Variants in CDKL5 observed in about 807,000 individuals in gnomAD.
CDKL5 encodes cyclin dependent kinase like 5.
Under a neutral mutation model 61.7 loss-of-function variants are expected in CDKL5, and 8 were observed. The ratio of observed to expected loss-of-function variants is 0.13; its 90% confidence interval spans 0.08 to 0.23. CDKL5 has a LOEUF of 0.23. Among genes scored for constraint, CDKL5 ranks in the 10% least tolerant of loss-of-function variants. CDKL5 has a pLI of 1.00. For synonymous variants in CDKL5, 275 were observed against 272.3 expected (o/e 1.01, Z -0.10); for missense variants, 440 against 734.5 (o/e 0.60, Z 4.63).
intron 1 of CDKL5, among the ~76,000 whole-genome samples, chrX:18,434,838 G>C (rs1482575158): frequency 9.0e-6 from 1 of 111,697 alleles, no homozygotes; most frequent in Non-Finnish European, 1.9e-5. Context: ...TGAGTCGGGA[G>C]AGTCCCATGA....
intron 1 of CDKL5, among the ~76,000 whole-genome samples, chrX:18,458,813 C>G (rs1471725463): frequency 8.9e-6 from 1 of 112,760 alleles, no homozygotes; most frequent in Admixed American, 9.4e-5. Context: ...CTAGTGGCTA[C>G]TGTATTAGAC....
chrX:18,549,475 G>A (rs1602254734), intron 3 of CDKL5, among the ~76,000 whole-genome samples: 1 of 112,093 alleles, frequency 8.9e-6, no homozygotes, highest in Admixed American at 9.5e-5. Context: ...CAATATTCTT[G>A]AATCTTTATT....
chrX:18,477,415 G>T (rs1921359974), intron 1 of CDKL5, among the ~76,000 whole-genome samples: 1 of 112,423 alleles, frequency 8.9e-6, no homozygotes, highest in South Asian at 3.6e-4. Context: ...TGATTGGATT[G>T]TTTAATCCTT....
At chrX:18,545,986 A>C (rs181918681) in intron 3 of CDKL5, among the ~76,000 whole-genome samples, 3 of 111,310 alleles carry the variant, frequency 2.7e-5, no homozygotes, top group African/African-American at 9.8e-5. Context: ...TAACACACCT[A>C]CTCTAGTGAG....
intron 1 of CDKL5, among the ~76,000 whole-genome samples, chrX:18,483,986 A>C (rs867110622): frequency 8.9e-6 from 1 of 111,817 alleles, no homozygotes; most frequent in Non-Finnish European, 1.9e-5. Context: ...CCAGGAGGCT[A>C]TCTGATTTTC....
At chrX:18,443,724 C>T (rs1272765990) in intron 1 of CDKL5, 1 of 111,783 alleles carries the variant, frequency 8.9e-6, no homozygotes, top group Non-Finnish European at 1.9e-5. Flanking sequence ...CTCCTCCCAT[C>T]CTCCACCCTC....
intron 1 of CDKL5, among the ~76,000 whole-genome samples, chrX:18,481,508 A>G (rs1297563809): frequency 9.7e-6 from 1 of 103,014 alleles, no homozygotes; most frequent in Non-Finnish European, 2.0e-5. Flanking sequence ...GCGGGCCACC[A>G]CACCTGGCTA....
At chrX:18,581,297 C>T (rs191215989) in intron 6 of CDKL5, among the ~76,000 whole-genome samples, 1 of 112,040 alleles carries the variant, frequency 8.9e-6, no homozygotes, top group African/African-American at 3.2e-5. Flanking sequence ...ACTCCCACCA[C>T]ATCTTCATAA....
intron 3 of CDKL5, among the ~76,000 whole-genome samples, chrX:18,562,302 C>G (rs1924829949): frequency 9.0e-6 from 1 of 111,308 alleles, no homozygotes; most frequent in Admixed American, 9.6e-5. Context: ...AATTATATCA[C>G]TTATAGAATT....
intron 11 of CDKL5, among the ~76,000 whole-genome samples, chrX:18,602,215 G>T (rs982725959): frequency 8.9e-6 from 1 of 112,208 alleles, no homozygotes; most frequent in African/African-American, 3.2e-5. Flanking sequence ...GCTCATGGGG[G>T]TGGAGGACGG....
intron 9 of CDKL5, among the ~76,000 whole-genome samples, chrX:18,593,807 T>A (rs1323853152): frequency 8.9e-6 from 1 of 112,683 alleles, no homozygotes; most frequent in Non-Finnish European, 1.9e-5. Context: ...ATGTTATTCC[T>A]TCTACTCCTC....
At chrX:18,594,630 TATC>T (rs1327323050) in intron 9 of CDKL5, among the ~76,000 whole-genome samples, 1 of 112,227 alleles carries the variant, frequency 8.9e-6, no homozygotes, top group African/African-American at 3.2e-5. Context: ...TCTAATGTCT[TATC>T]ATATCCTTTC....
chrX:18,440,945 A>G (rs562381314), intron 1 of CDKL5, among the ~76,000 whole-genome samples: 2 of 111,484 alleles, frequency 1.8e-5, no homozygotes, highest in African/African-American at 6.5e-5. Context: ...TGGACTAGTA[A>G]TGTCCGAAAG....
rs746217956 is a variant in CDKL5, at chrX:18,428,262, G to A, written c.-163+2567G>A. On this transcript the variant is annotated intron_variant, in intron 1 of 17. Coordinates refer to ENST00000623535, the MANE Select transcript of CDKL5 (RefSeq NM_001323289.2). ...AGCTGCATTGTTGGAAATGACAGTGGCTTCTCTTGCAGAAAGTTAACCTTT... is the reference window on the plus strand; with the variant it reads ...AGCTGCATTGTTGGAAATGACAGTGACTTCTCTTGCAGAAAGTTAACCTTT... 6.1e-4 allele frequency among the ~76,000 whole-genome samples: 68 copies of A among 112,271 alleles called. 1 individual carries two copies. The highest frequency in any genetic ancestry group is 2.1e-3 in the African/African-American group (65 of 30,953).
chrX:18,505,767 G>A (rs1402305397), intron 1 of CDKL5, among the ~76,000 whole-genome samples: 4 of 112,131 alleles, frequency 3.6e-5, no homozygotes, highest in Non-Finnish European at 7.5e-5. Context: ...GGTGGTGTCT[G>A]GCAGGATTCT....
At chrX:18,611,128 G>A (rs1298360142) in intron 14 of CDKL5, among the ~76,000 whole-genome samples, 2 of 111,571 alleles carry the variant, frequency 1.8e-5, no homozygotes, top group African/African-American at 6.5e-5. Context: ...CCATGATTAC[G>A]CTTTAGTATT....
At chrX:18,623,947 T>C in intron 16 of CDKL5, 1 of 745,406 alleles carries the variant, frequency 1.3e-6, no homozygotes, top group Non-Finnish European at 1.6e-6. Context: ...ATTCAAAGAA[T>C]CATTTAAAGC....
chrX:18,626,066 GTTT>G (rs754432238), intron 17 of CDKL5, among the ~76,000 whole-genome samples: 2 of 89,074 alleles, frequency 2.2e-5, no homozygotes. Context: ...GCGGACTACT[GTTT>G]TTTTTTTTTT....
rs145473117 is a variant in CDKL5, at chrX:18,512,889, T to A, written c.99+2035T>A. 6.5e-3 allele frequency among the ~76,000 whole-genome samples: 728 copies of A among 111,156 alleles called. 8 individuals carry two copies. The highest frequency in any genetic ancestry group is 0.022 in the African/African-American group (678 of 30,747). ...ATTAGTTTCTAAGTTAAATTTGACT[T>A]TTTCCCGAACATAAAACCTCCTTTT... On this transcript the variant is annotated intron_variant, in intron 3 of 17. Coordinates refer to ENST00000623535, the MANE Select transcript of CDKL5 (RefSeq NM_001323289.2).
Sources: gnomAD v4.1 joint callset for allele counts (sites outside exome capture counted in the v4.1 genomes callset) on GRCh38, gnomAD v4.1.1 for gene constraint, MANE v1.5 for transcripts, NCBI Gene and HGNC (gene_info 2026-07-23, HGNC 2026-07-21) for gene names.